Variants in FRMD5 observed in about 807,000 individuals in gnomAD.
FRMD5 encodes the protein FERM domain-containing protein 5.
Under a neutral mutation model 69.0 loss-of-function variants are expected in FRMD5, and 20 were observed. The ratio of observed to expected loss-of-function variants is 0.29; its 90% CI spans 0.20 to 0.42. The LOEUF (loss-of-function observed/expected upper bound fraction) is 0.42. Ranked by LOEUF, FRMD5 falls within the 10% of genes least tolerant of loss-of-function variation. FRMD5 has a pLI of 1.00. For missense variants in FRMD5, 595 were observed against 708.6 expected (o/e 0.84, Z 1.82); for synonymous variants, 271 against 260.1 (o/e 1.04, Z -0.40).
At chr15:44,066,728 T>C (rs971805885) in intron 1 of FRMD5, among the ~76,000 whole-genome samples, 3 of 152,126 alleles carry the variant, frequency 2.0e-5, no homozygotes, top group African/African-American at 4.8e-5. Flanking sequence ...ATTCATCTGA[T>C]AGAAAGTGTG....
At chr15:43,955,141 A>C (rs997650124) in intron 1 of FRMD5, among the ~76,000 whole-genome samples, 44 of 152,326 alleles carry the variant, frequency 2.9e-4, no homozygotes, top group African/African-American at 9.4e-4. Context: ...ATGAAGTAAC[A>C]AGAATTTTCT....
At chr15:44,095,206 CT>C (rs112078242) in intron 1 of FRMD5, among the ~76,000 whole-genome samples, 1,584 of 142,550 alleles carry the variant, frequency 0.011, 14 homozygotes, top group African/African-American at 0.025. Flanking sequence ...CAATTTCTTT[CT>C]TTTTTTTTTT....
intron 1 of FRMD5, among the ~76,000 whole-genome samples, chr15:43,953,247 G>C (rs1183977557): frequency 1.3e-5 from 2 of 152,184 alleles, no homozygotes; most frequent in Non-Finnish European, 2.9e-5. Flanking sequence ...TTTCCCAGGG[G>C]AGCAAAACTG....
chr15:43,916,811 C>G (rs1431595656), intron 4 of FRMD5, among the ~76,000 whole-genome samples: 1 of 150,988 alleles, frequency 6.6e-6, no homozygotes, highest in Non-Finnish European at 1.5e-5. Context: ...AGAGTTTCAC[C>G]CTTGTTGCCC....
chr15:44,167,564 A>C (rs1355368115), intron 1 of FRMD5, among the ~76,000 whole-genome samples: 1 of 152,012 alleles, frequency 6.6e-6, no homozygotes, highest in African/African-American at 2.4e-5. Flanking sequence ...GGCATCCTAA[A>C]CACTTTAGTG....
intron 1 of FRMD5, among the ~76,000 whole-genome samples, chr15:44,015,258 C>G (rs1019099381): frequency 2.0e-5 from 3 of 151,912 alleles, no homozygotes; most frequent in Admixed American, 1.3e-4. Flanking sequence ...GCCTCAGCTT[C>G]TTGAGTAGCT....
At chr15:44,117,091 C>T (rs926847817) in intron 1 of FRMD5, among the ~76,000 whole-genome samples, 1 of 148,382 alleles carries the variant, frequency 6.7e-6, no homozygotes, top group Non-Finnish European at 1.5e-5. Context: ...AGCGACAGAA[C>T]AAGACTCCGT....
chr15:44,070,070 A>G lies in FRMD5; in HGVS notation c.102+124883T>C, dbSNP rs188078334. Among the ~76,000 whole-genome samples the G allele has an allele frequency of 5.3e-5, 8 of 152,282 alleles. No individual in the cohort carries two copies. In the East Asian group the frequency reaches 9.6e-4, roughly 18 times the overall value. On this transcript the variant is annotated intron_variant, in intron 1 of 13. Transcript: ENST00000417257. ...GTAATTTAATATTACTTCTACCACTATTGAAATGGCTTAGGAACTACAAAT... is the reference window on the plus strand; with the variant it reads ...GTAATTTAATATTACTTCTACCACTGTTGAAATGGCTTAGGAACTACAAAT...
intron 1 of FRMD5, among the ~76,000 whole-genome samples, chr15:44,002,686 T>C (rs1299881373): frequency 2.0e-5 from 3 of 152,162 alleles, no homozygotes; most frequent in Non-Finnish European, 4.4e-5. Flanking sequence ...TGCTTTTCCA[T>C]ACAATGTCTG....
At chr15:44,117,661 G>A (rs1465677141) in intron 1 of FRMD5, among the ~76,000 whole-genome samples, 2 of 152,212 alleles carry the variant, frequency 1.3e-5, no homozygotes, top group Non-Finnish European at 2.9e-5. Flanking sequence ...ATGCTGGACT[G>A]TGCTTCTTTG....
At chr15:44,025,765 G>T (rs1304572146) in intron 1 of FRMD5, among the ~76,000 whole-genome samples, 2 of 152,194 alleles carry the variant, frequency 1.3e-5, no homozygotes, top group Admixed American at 6.5e-5. Context: ...CCCACTGAAT[G>T]ACAGGTGAGG....
chr15:43,938,415 G>A (rs541608160), intron 1 of FRMD5, among the ~76,000 whole-genome samples: 38 of 152,240 alleles, frequency 2.5e-4, no homozygotes, highest in Non-Finnish European at 4.7e-4. Flanking sequence ...TCAAATCCAC[G>A]CTGCCTTGCT....
intron 1 of FRMD5, among the ~76,000 whole-genome samples, chr15:43,995,276 T>C (rs2140150372): frequency 6.6e-6 from 1 of 152,300 alleles, no homozygotes; most frequent in Non-Finnish European, 1.5e-5. Flanking sequence ...AGAAAAAAAG[T>C]CTGTACATGT....
chr15:43,875,348 CAAAA>C (rs1202161221), intron 13 of FRMD5, among the ~76,000 whole-genome samples: 7 of 46,812 alleles, frequency 1.5e-4, no homozygotes, highest in African/African-American at 7.0e-4. Context: ...AAGACTGTCT[CAAAA>C]AAAAAAAAAA....
chr15:43,981,470 C>G (rs564540549), intron 1 of FRMD5, among the ~76,000 whole-genome samples: 8 of 152,184 alleles, frequency 5.3e-5, no homozygotes, highest in African/African-American at 1.9e-4. Flanking sequence ...TTGGGAGTAG[C>G]AGAGATGGAA....
At chr15:44,018,046 C>T (rs542841083) in intron 1 of FRMD5, among the ~76,000 whole-genome samples, 1 of 152,282 alleles carries the variant, frequency 6.6e-6, no homozygotes, top group Admixed American at 6.5e-5. Context: ...GAACTCTGCA[C>T]ATCTATATTA....
intron 1 of FRMD5, among the ~76,000 whole-genome samples, chr15:44,189,684 G>A (rs923188949): frequency 6.6e-6 from 1 of 151,902 alleles, no homozygotes; most frequent in Non-Finnish European, 1.5e-5. Context: ...AGAGACGGGG[G>A]TTTTACCATG....
At chr15:43,988,163 C>T (rs1292118907) in intron 1 of FRMD5, among the ~76,000 whole-genome samples, 1 of 152,100 alleles carries the variant, frequency 6.6e-6, no homozygotes, top group African/African-American at 2.4e-5. Flanking sequence ...TTCTCTTGCC[C>T]CCCCACCACT....
At chr15:43,922,630 C>T (rs928590313) in intron 2 of FRMD5, among the ~76,000 whole-genome samples, 1 of 151,720 alleles carries the variant, frequency 6.6e-6, no homozygotes, top group Non-Finnish European at 1.5e-5. Context: ...TATACCACCA[C>T]TCTAGGGGAT....
Sources: gnomAD v4.1 joint callset for allele counts (sites outside exome capture counted in the v4.1 genomes callset) on GRCh38, gnomAD v4.1.1 for gene constraint, MANE v1.5 for transcripts, NCBI Gene and HGNC (gene_info 2026-07-23, HGNC 2026-07-21) for gene names.